EFR3A: variants seen among roughly 807,000 people sequenced by gnomAD.
EFR3A encodes the protein protein EFR3 homolog A.
A neutral mutation model predicts 104.4 loss-of-function variants in EFR3A; 76 were observed. The observed-to-expected ratio is 0.73, with a 90% confidence interval of 0.60 to 0.88. The LOEUF (loss-of-function observed/expected upper bound fraction) is 0.88, where lower values mean the gene tolerates loss of function less well. Ranked by LOEUF, EFR3A falls within the 40% of genes least tolerant of loss-of-function variation. The pLI, the probability that EFR3A is intolerant of heterozygous loss-of-function variation, is 0.00. For missense variants in EFR3A, 985 were observed against 1,012.5 expected (o/e 0.97, Z 0.37); for synonymous variants, 330 against 330.0 (o/e 1.00, Z 0.00).
intron 16 of EFR3A, 62 bp downstream of exon 16, chr8:131,985,122 G>A (rs2130756952): frequency 6.7e-7 from 1 of 1,487,280 alleles, no homozygotes; most frequent in Non-Finnish European, 9.2e-7. Flanking sequence ...TTTTATTCCA[G>A]TGATGATTAT....
At chr8:131,933,623 A>AT (rs1312080171) in intron 1 of EFR3A, among the ~76,000 whole-genome samples, 1 of 152,026 alleles carries the variant, frequency 6.6e-6, no homozygotes, top group Non-Finnish European at 1.5e-5. Flanking sequence ...GTAATATTTA[A>AT]TTTTTTTCCA....
intron 4 of EFR3A, among the ~76,000 whole-genome samples, chr8:131,947,667 G>A (rs1390708055): frequency 2.0e-5 from 3 of 151,748 alleles, no homozygotes; most frequent in East Asian, 1.9e-4. Context: ...TCTTCTAAGA[G>A]TTTTACAGTT....
At chr8:131,946,362 A>T (rs9297837) in intron 3 of EFR3A, 121 bp from the exon 4 acceptor site, 293,932 of 923,484 alleles carry the variant, frequency 0.32, 50,090 homozygotes, top group East Asian at 0.65. Flanking sequence ...AGGAGTTACT[A>T]AATTTGCATT....
rs1456390697 is a variant in EFR3A, at chr8:132,011,443, A to C, written c.*548A>C. On this transcript the variant is annotated 3_prime_UTR_variant, in exon 23 of 23. Coordinates refer to ENST00000254624, the MANE Select transcript of EFR3A (RefSeq NM_015137.6). The stretch of plus-strand genomic sequence containing the variant: ...GTTACTATAATAATATGTGATAGGC[A>C]TTCCTCATCTTCTTCACAATAATAG... 5 of 982,404 alleles carry C rather than the reference A, an allele frequency of 5.1e-6. No individual in the cohort carries two copies. Among genetic ancestry groups the C allele is most frequent in the Non-Finnish European group, 6.0e-6 (5 of 827,288 alleles). 60.9% of individuals were successfully genotyped at this position (982,404 alleles called of 1,614,324 possible). A position where few individuals can be genotyped will look rare whatever the true frequency, so the allele number is the denominator to read the frequency against.
chr8:131,923,908 TG>T (rs1332996820), intron 1 of EFR3A, among the ~76,000 whole-genome samples: 1 of 152,058 alleles, frequency 6.6e-6, no homozygotes, highest in East Asian at 1.9e-4. Context: ...AAATTGGCAT[TG>T]GTAGATTTAG....
At chr8:131,980,332 T>A (rs970195707) in intron 14 of EFR3A, among the ~76,000 whole-genome samples, 1 of 152,116 alleles carries the variant, frequency 6.6e-6, no homozygotes. Context: ...AAAAAATAAT[T>A]TACAAAATAT....
In EFR3A at chr8:132,012,745, A is replaced by G. The variant is rs1822409634; in HGVS notation, c.*1850A>G. 6.6e-6 allele frequency: 1 copy of G among 152,380 alleles called. No individual in the cohort carries two copies. Among genetic ancestry groups the G allele is most frequent in the Non-Finnish European group, 1.5e-5 (1 of 67,980 alleles). 9.4% of individuals were successfully genotyped at this position (152,380 alleles called of 1,614,324 possible). A position where few individuals can be genotyped will look rare whatever the true frequency, so the allele number is the denominator to read the frequency against. ...CACTGTGTGCTTTTGTATGGAAAAA[A>G]TATATATAATTTAATAGTATAAAAA... On this transcript the variant is annotated 3_prime_UTR_variant, in exon 23 of 23. Transcript: ENST00000254624.
intron 1 of EFR3A, among the ~76,000 whole-genome samples, chr8:131,937,040 C>T (rs1817931924): frequency 6.6e-6 from 1 of 152,122 alleles, no homozygotes; most frequent in African/African-American, 2.4e-5. Flanking sequence ...TTTACTGTGA[C>T]TAACCCACAC....
At chr8:131,926,689 A>G (rs1013581946) in intron 1 of EFR3A, among the ~76,000 whole-genome samples, 90 of 152,158 alleles carry the variant, frequency 5.9e-4, no homozygotes, top group African/African-American at 2.1e-3. Context: ...GCATGATTGT[A>G]GCTCACTGCA....
In EFR3A at chr8:132,010,802, T is replaced by C. The variant is rs61739634; in HGVS notation, c.2373T>C (p.Ser791=). ...TGTTCTTTTATAGTCCTCCTCCCAGTCCATCAGGAACACTGACCATTACTT... is the reference window on the plus strand; with the variant it reads ...TGTTCTTTTATAGTCCTCCTCCCAGCCCATCAGGAACACTGACCATTACTT... ...ILELTIRPPP[S]PSGTLTITSG... Residue 791 remains serine (S), a synonymous_variant, in exon 23 of 23, where the codon AGT becomes AGC. Coordinates refer to ENST00000254624, the MANE Select transcript of EFR3A (RefSeq NM_015137.6). 526 of 1,612,222 alleles carry C rather than the reference T, an allele frequency of 3.3e-4. 3 individuals carry two copies. The African/African-American group carries it at 6.4e-3, about 20-fold the overall frequency.
chr8:132,002,463 G>A (rs1375920704), intron 20 of EFR3A, 140 bp from the exon 21 acceptor site: 9 of 622,120 alleles, frequency 1.4e-5, no homozygotes, highest in Non-Finnish European at 2.1e-5. Context: ...TGGATGTTAG[G>A]CCTTTTTATT....
chr8:132,002,518 TATATC>T (rs1305676401), intron 20 of EFR3A, 80 bp from the exon 21 acceptor site: 2 of 1,052,952 alleles, frequency 1.9e-6, no homozygotes, highest in African/African-American at 1.6e-5. Context: ...TTTTGGATGA[TATATC>T]ATTAACTCTT....
At chr8:131,957,806 GAAAT>G (rs1819090250) in intron 7 of EFR3A, among the ~76,000 whole-genome samples, 1 of 152,182 alleles carries the variant, frequency 6.6e-6, no homozygotes, top group African/African-American at 2.4e-5. Context: ...TGATTTAAAA[GAAAT>G]TTTGAATATC....
chr8:131,963,070 G>T (rs1586611911), intron 8 of EFR3A, among the ~76,000 whole-genome samples: 1 of 152,314 alleles, frequency 6.6e-6, no homozygotes, highest in Admixed American at 6.5e-5. Flanking sequence ...ATTTAAAGCT[G>T]TGTGTAGAGG....
chr8:131,984,980 A>G lies in EFR3A; in HGVS notation c.1789A>G (p.Ile597Val). 6.2e-7 allele frequency: 1 copy of G among 1,613,688 alleles called. No homozygotes were observed. The highest frequency in any genetic ancestry group is 8.5e-7 in the Non-Finnish European group (1 of 1,179,674). Residue 597 changes from isoleucine to valine, a missense_variant, in exon 16 of 23, where the codon ATC becomes GTC. By Grantham distance (29) the Ile-to-Val change is conservative (BLOSUM62 3). Coordinates refer to ENST00000254624, the MANE Select transcript of EFR3A (RefSeq NM_015137.6). ...DNLPMFHRCG[I>V]MALVAAYLNF... Reference sequence around the variant, plus strand: ...TTTGCCAATGTTCCATCGTTGTGGAATCATGGCACTGGTTGCAGCATACCT... The same window carrying G: ...TTTGCCAATGTTCCATCGTTGTGGAGTCATGGCACTGGTTGCAGCATACCT...
At chr8:132,002,272 A>G (rs1403091475) in intron 20 of EFR3A, among the ~76,000 whole-genome samples, 1 of 152,206 alleles carries the variant, frequency 6.6e-6, no homozygotes, top group Non-Finnish European at 1.5e-5. Flanking sequence ...TAAAAGAATC[A>G]TCCTTCAGGA....
At chr8:132,000,427 C>T (rs1235050903) in intron 19 of EFR3A, among the ~76,000 whole-genome samples, 5 of 152,116 alleles carry the variant, frequency 3.3e-5, no homozygotes, top group Non-Finnish European at 5.9e-5. Context: ...TGTGCCTGGC[C>T]GACTTGGGGG....
chr8:131,984,073 C>T (rs981296404), intron 14 of EFR3A, 66 bp from the exon 15 acceptor site: 2 of 1,405,628 alleles, frequency 1.4e-6, no homozygotes, highest in Non-Finnish European at 1.9e-6. Context: ...AAAGTATATG[C>T]ATGTGAAATC....
intron 2 of EFR3A, among the ~76,000 whole-genome samples, chr8:131,942,496 T>A (rs1447449991): frequency 6.6e-6 from 1 of 152,096 alleles, no homozygotes. Flanking sequence ...TCCCTTGTTT[T>A]GTCATCATGT....
Sources: gnomAD v4.1 joint callset for allele counts (sites outside exome capture counted in the v4.1 genomes callset) on GRCh38, gnomAD v4.1.1 for gene constraint, MANE v1.5 for transcripts, NCBI Gene and HGNC (gene_info 2026-07-23, HGNC 2026-07-21) for gene names.